ARL6IP6: variants seen among roughly 807,000 people sequenced by gnomAD.
ARL6IP6 encodes the protein ARF like GTPase 6 interacting protein 6.
A neutral mutation model predicts 21.5 loss-of-function variants in ARL6IP6; 22 were observed. That is an observed-to-expected ratio of 1.02 (90% CI 0.73 to 1.46). The LOEUF is 1.46. Among genes scored for constraint, ARL6IP6 ranks in the 40% most tolerant of loss-of-function variants. ARL6IP6 has a pLI of 0.00. For synonymous variants in ARL6IP6, 164 were observed against 125.3 expected (o/e 1.31, Z -2.06); for missense variants, 388 against 299.8 (o/e 1.29, Z -2.17).
intron 3 of ARL6IP6, 44 bp from the exon 4 acceptor site, chr2:152,759,703 C>T (rs377486862): frequency 3.3e-5 from 50 of 1,497,622 alleles, no homozygotes; most frequent in Non-Finnish European, 3.7e-5. Flanking sequence ...TGTTATACCA[C>T]GTTACATTTT....
chr2:152,751,457 C>T (rs995844657), intron 3 of ARL6IP6, among the ~76,000 whole-genome samples: 7 of 152,138 alleles, frequency 4.6e-5, no homozygotes, highest in South Asian at 2.1e-4. Flanking sequence ...CCTATCTGAT[C>T]GTAATTTTGT....
At chr2:152,719,820 A>C (rs1699669781) in intron 1 of ARL6IP6, 2 of 415,976 alleles carry the variant, frequency 4.8e-6, no homozygotes, top group South Asian at 3.6e-5. Flanking sequence ...ATTGTCACTG[A>C]AGTGTTATTT....
At chr2:152,738,872 T>C (rs899190311) in intron 3 of ARL6IP6, among the ~76,000 whole-genome samples, 23 of 137,176 alleles carry the variant, frequency 1.7e-4, no homozygotes, top group African/African-American at 8.4e-4. Flanking sequence ...AATTGTTTTT[T>C]CTTTTCTGTC....
At chr2:152,721,683 T>G (rs564590970) in intron 2 of ARL6IP6, among the ~76,000 whole-genome samples, 1 of 152,362 alleles carries the variant, frequency 6.6e-6, no homozygotes, top group South Asian at 2.1e-4. Flanking sequence ...GTTGAGACAC[T>G]ATGACACATG....
chr2:152,731,426 G>T (rs181435728), intron 2 of ARL6IP6, among the ~76,000 whole-genome samples: 1 of 152,232 alleles, frequency 6.6e-6, no homozygotes, highest in African/African-American at 2.4e-5. Context: ...TGGATAATTT[G>T]TATAGTCAGG....
At chr2:152,729,623 G>C (rs915312273) in intron 2 of ARL6IP6, among the ~76,000 whole-genome samples, 1 of 151,996 alleles carries the variant, frequency 6.6e-6, no homozygotes, top group Non-Finnish European at 1.5e-5. Flanking sequence ...GATAGGAAAG[G>C]TCTCCAGAAT....
chr2:152,734,200 A>T (rs1048806159), intron 2 of ARL6IP6, among the ~76,000 whole-genome samples: 3 of 152,154 alleles, frequency 2.0e-5, no homozygotes, highest in African/African-American at 7.2e-5. Context: ...AGTCCATTAT[A>T]ATATTGTTCT....
At chr2:152,744,111 A>G (rs552265477) in intron 3 of ARL6IP6, among the ~76,000 whole-genome samples, 66 of 152,144 alleles carry the variant, frequency 4.3e-4, no homozygotes, top group Non-Finnish European at 7.8e-4. Context: ...AATGACCTCG[A>G]ACATCTATGT....
At position 152,761,225 on chromosome 2, in the gene ARL6IP6, C is replaced by T. The variant is rs1421329437; in HGVS notation, c.*1385C>T. 1 of 152,000 alleles carries T rather than the reference C, an allele frequency of 6.6e-6. No individual in the cohort carries two copies. The highest frequency in any genetic ancestry group is 6.6e-5 in the Admixed American group (1 of 15,206). The allele number at this position is 152,000 out of a possible 1,614,324, so 9.4% of individuals were successfully genotyped here. ...ACTCTTTGGTTGGAAATGACTAATA[C>T]TGCTCCAATTTAAATTATCTGAAAT... is the stretch of plus-strand genomic sequence containing the variant. On this transcript the variant is annotated 3_prime_UTR_variant, in exon 4 of 4. Transcript: ENST00000326446.
chr2:152,757,695 C>G (rs78195691), intron 3 of ARL6IP6, among the ~76,000 whole-genome samples: 1 of 152,134 alleles, frequency 6.6e-6, no homozygotes, highest in Non-Finnish European at 1.5e-5. Flanking sequence ...GCAAGTGATT[C>G]TTCAAAGATT....
rs183742240 is a variant in ARL6IP6, at chr2:152,748,323, C to T, written c.588-11424C>T. On this transcript the variant is annotated intron_variant, in intron 3 of 3. Coordinates refer to ENST00000326446, the MANE Select transcript of ARL6IP6 (RefSeq NM_152522.7). ...ATATAATAAAGTTAATGTAGTTTTACGTTTCTAAAAAGGAAATGCTTTTTA... is the reference window on the plus strand; with the variant it reads ...ATATAATAAAGTTAATGTAGTTTTATGTTTCTAAAAAGGAAATGCTTTTTA... Among the ~76,000 whole-genome samples the T allele has an allele frequency of 4.9e-3, 741 of 152,242 alleles. 7 individuals carry two copies. Among genetic ancestry groups the T allele is most frequent in the African/African-American group, 0.017 (690 of 41,528 alleles).
chr2:152,720,451 T>G, intron 1 of ARL6IP6, 82 bp from the exon 2 acceptor site: 1 of 1,377,894 alleles, frequency 7.3e-7, no homozygotes, highest in Non-Finnish European at 1.0e-6. Flanking sequence ...TTTCCACAGC[T>G]CCACAATGCC....
chr2:152,735,720 TA>T (rs918265715), intron 3 of ARL6IP6, among the ~76,000 whole-genome samples: 1 of 152,182 alleles, frequency 6.6e-6, no homozygotes, highest in Non-Finnish European at 1.5e-5. Context: ...ATTTTAAATA[TA>T]AATTCCGAAA....
chr2:152,740,992 A>G (rs2105146886), intron 3 of ARL6IP6, among the ~76,000 whole-genome samples: 1 of 152,300 alleles, frequency 6.6e-6, no homozygotes, highest in African/African-American at 2.4e-5. Context: ...ACTTCTCCAC[A>G]TTTTGAGAAA....
intron 3 of ARL6IP6, among the ~76,000 whole-genome samples, chr2:152,749,272 A>T (rs1701201153): frequency 6.6e-6 from 1 of 151,574 alleles, no homozygotes; most frequent in Non-Finnish European, 1.5e-5. Flanking sequence ...AGAAGTCGTT[A>T]TGTAGGAAGA....
chr2:152,741,919 T>G (rs189591128), intron 3 of ARL6IP6, among the ~76,000 whole-genome samples: 66 of 152,336 alleles, frequency 4.3e-4, no homozygotes, highest in African/African-American at 1.3e-3. Context: ...AAGTCTTGTT[T>G]TGGTTGTTAT....
chr2:152,751,328 A>G (rs1306271183), intron 3 of ARL6IP6, among the ~76,000 whole-genome samples: 2 of 152,206 alleles, frequency 1.3e-5, no homozygotes, highest in African/African-American at 2.4e-5. Context: ...GAAAACATTT[A>G]TCATTTCTTT....
rs534073707 is a variant in ARL6IP6 at position 152,742,841 on chromosome 2, A to G, written c.587+7715A>G. On this transcript the variant is annotated intron_variant, in intron 3 of 3. Transcript: ENST00000326446. ...GTGTTACTATTAGTCTGGTGTTTCCATTTTTTAATAGATGAAGAAACCAAG... is the reference window on the plus strand; with the variant it reads ...GTGTTACTATTAGTCTGGTGTTTCCGTTTTTTAATAGATGAAGAAACCAAG... Among the ~76,000 whole-genome samples the G allele has an allele frequency of 2.0e-5, 3 of 152,206 alleles. No homozygotes were observed. The South Asian group carries it at 6.2e-4, about 32-fold the overall frequency.
intron 2 of ARL6IP6, among the ~76,000 whole-genome samples, chr2:152,729,363 C>CGTGTGTGTGTGTGT (rs1559227281): frequency 3.5e-5 from 5 of 143,162 alleles, no homozygotes; most frequent in African/African-American, 1.5e-4. Flanking sequence ...TGTGTGTGTA[C>CGTGTGTGTGTGTGT]ACACATATAT....
Sources: gnomAD v4.1 joint callset for allele counts (sites outside exome capture counted in the v4.1 genomes callset) on GRCh38, gnomAD v4.1.1 for gene constraint, MANE v1.5 for transcripts, NCBI Gene and HGNC (gene_info 2026-07-23, HGNC 2026-07-21) for gene names.